Variants in C6orf141 observed in about 807,000 individuals in gnomAD.
The protein encoded by C6orf141 is chromosome 6 open reading frame 141.
For missense variants in C6orf141, 361 were observed against 335.8 expected, an observed-to-expected ratio of 1.07 and a Z score of -0.59; for synonymous variants, 164 against 140.5, an observed-to-expected ratio of 1.17 and a Z score of -1.18.
rs747006555 is a variant in C6orf141 at position 49,550,945 on chromosome 6, G to T, written c.153G>T (p.Thr51=). ...CTCCGGGCGCCCGGAATCCCGCGACGGCAGGGGCGAGCCGAAGCCAGGGCG... is the reference window on the plus strand; with the variant it reads ...CTCCGGGCGCCCGGAATCCCGCGACTGCAGGGGCGAGCCGAAGCCAGGGCG... ...PLAPGARNPA[T]AGASRSQGGG... Residue 51 remains threonine (T), a synonymous_variant, in exon 1 of 1, where the codon ACG becomes ACT. Transcript: ENST00000529246. The T allele has an allele frequency of 6.0e-5, 93 of 1,548,462 alleles. No individual in the cohort carries two copies. The East Asian group carries it at 6.4e-4, about 11-fold the overall frequency.
At chr6:49,561,193 G>A (rs1355768980) in intron 4 of C6orf141, among the ~76,000 whole-genome samples, 2 of 151,844 alleles carry the variant, frequency 1.3e-5, no homozygotes, top group Non-Finnish European at 2.9e-5. Context: ...TGCCTCCTGG[G>A]TTCAAGCGAT....
intron 4 of C6orf141, among the ~76,000 whole-genome samples, chr6:49,557,747 T>C (rs1449492920): frequency 3.3e-5 from 5 of 152,176 alleles, no homozygotes; most frequent in African/African-American, 1.2e-4. Flanking sequence ...TCAGCAAACA[T>C]AGATGGCATA....
chr6:49,556,178 T>C (rs571100308), downstream of C6orf141, among the ~76,000 whole-genome samples: 1 of 152,350 alleles, frequency 6.6e-6, no homozygotes, highest in Admixed American at 6.5e-5. Flanking sequence ...GTCAAGATCA[T>C]TGGATGATTC....
At chr6:49,558,404 GAAAA>G (rs10716612) in intron 4 of C6orf141, among the ~76,000 whole-genome samples, 2 of 135,236 alleles carry the variant, frequency 1.5e-5, no homozygotes, top group Admixed American at 7.5e-5. Context: ...CCCTGAGTTG[GAAAA>G]AAAAAAAAAA....
rs182477224 is a variant in C6orf141 at position 49,551,880 on chromosome 6, G to A, written c.*353G>A. On this transcript the variant is annotated 3_prime_UTR_variant, in exon 1 of 1. Coordinates refer to ENST00000529246, the MANE Select transcript of C6orf141 (RefSeq NM_001145652.2). ...CCCGCCCCCCTCTTGTTTCTCTTTAGGACCTAGAAACAGAAGTGAAGTTTG... is the reference window on the plus strand; with the variant it reads ...CCCGCCCCCCTCTTGTTTCTCTTTAAGACCTAGAAACAGAAGTGAAGTTTG... 16 of 1,130,892 alleles carry A rather than the reference G, an allele frequency of 1.4e-5. No individual in the cohort carries two copies. The East Asian group carries it at 1.1e-3, about 81-fold the overall frequency. 70.1% of individuals were successfully genotyped at this position (1,130,892 alleles called of 1,614,324 possible). A position where few individuals can be genotyped will look rare whatever the true frequency, so the allele number is the denominator to read the frequency against.
chr6:49,558,755 T>A (rs533514774), intron 4 of C6orf141, among the ~76,000 whole-genome samples: 84 of 152,210 alleles, frequency 5.5e-4, no homozygotes, highest in African/African-American at 1.9e-3. Flanking sequence ...TTGCCCAGGC[T>A]GGAGTGCAGT....
chr6:49,551,032 C>T lies in C6orf141; in HGVS notation c.240C>T (p.Asp80=). ...GACCTCGGGCCGGGGAGGAATTGGA[C>T]CGTGAGTCCTGGGTCAGAGAGAAAG... The part of the protein sequence containing the change: ...ALGPRAGEEL[D]RESWVREKVL... Residue 80 remains aspartate, a synonymous_variant, in exon 1 of 1, where the codon GAC becomes GAT. Coordinates refer to ENST00000529246, the MANE Select transcript of C6orf141 (RefSeq NM_001145652.2). 1 of 1,551,436 alleles carries T rather than the reference C, an allele frequency of 6.4e-7. No homozygotes were observed. Among genetic ancestry groups the T allele is most frequent in the Non-Finnish European group, 8.7e-7 (1 of 1,146,952 alleles).
In C6orf141 at chr6:49,551,644, G is replaced by A. The variant is rs1770637232; in HGVS notation, c.*117G>A. The A allele has an allele frequency of 6.7e-7, 1 of 1,484,480 alleles. No homozygotes were observed. The highest frequency in any genetic ancestry group is 2.5e-5 in the East Asian group (1 of 40,452). The allele number at this position is 1,484,480 out of a possible 1,614,324, so 92.0% of individuals were successfully genotyped here. On this transcript the variant is annotated 3_prime_UTR_variant, in exon 1 of 1. Transcript: ENST00000529246. ...ACAGAAGGAACCTTTTGAGAGGCTGGTGCAGCGCTTCGGGGAGGCAGATTA... is the reference window on the plus strand; with the variant it reads ...ACAGAAGGAACCTTTTGAGAGGCTGATGCAGCGCTTCGGGGAGGCAGATTA...
Position 49,551,481 on chromosome 6 carries a change from G to A in C6orf141, c.689G>A (p.Arg230Lys). ...GASRVHAAGR[R>K]VSPSPGTWLE... ...TCCCGCGTCCACGCCGCGGGGAGGAGGGTTTCACCGTCTCCAGGGACTTGG... is the reference window on the plus strand; with the variant it reads ...TCCCGCGTCCACGCCGCGGGGAGGAAGGTTTCACCGTCTCCAGGGACTTGG... The change falls in exon 1 of 1, where the codon AGG (arginine) becomes AAG (lysine). Residue 230 changes from arginine to lysine, a missense_variant. Arg to Lys is a conservative substitution (Grantham distance 26). Coordinates refer to ENST00000529246, the MANE Select transcript of C6orf141 (RefSeq NM_001145652.2). The A allele has an allele frequency of 6.4e-7, 1 of 1,551,556 alleles. No individual in the cohort carries two copies. The highest frequency in any genetic ancestry group is 8.7e-7 in the Non-Finnish European group (1 of 1,147,002).
In C6orf141 at chr6:49,558,059, G is replaced by GTTTTTTTTTTTT. The variant is rs71002664; in HGVS notation, c.*763+2915_*763+2926dup. Among the ~76,000 whole-genome samples the GTTTTTTTTTTTT allele has an allele frequency of 4.4e-4, 43 of 97,756 alleles. 1 individual carries two copies. Among genetic ancestry groups the GTTTTTTTTTTTT allele is most frequent in the African/African-American group, 1.7e-3 (42 of 24,800 alleles). The allele number at this position is 97,756 out of a possible 152,430, so 64.1% of individuals were successfully genotyped here. A position where few individuals can be genotyped will look rare whatever the true frequency, so the allele number is the denominator to read the frequency against. Reference sequence around the variant, plus strand: ...AGTGCATGCCGTTACACTCAAATATGTTTTTTTTTTTTTTTTTTTTTTTTA... The same window carrying GTTTTTTTTTTTT: ...AGTGCATGCCGTTACACTCAAATATGTTTTTTTTTTTTTTTTTTTTTTTTTTTTTTTTTTTTA... On this transcript the variant is annotated intron_variant and NMD_transcript_variant, in intron 4 of 4. Transcript: ENST00000371194.
intron 4 of C6orf141, among the ~76,000 whole-genome samples, chr6:49,557,811 G>A (rs1433809372): frequency 2.6e-5 from 4 of 152,162 alleles, no homozygotes; most frequent in East Asian, 1.9e-4. Context: ...TCTCTAGCTC[G>A]CCTTAATGCT....
exon 1 of C6orf141, chr6:49,551,182 C>A (rs989691663): frequency 1.3e-6 from 2 of 1,551,590 alleles, no homozygotes; most frequent in Non-Finnish European, 1.7e-6. Context: ...AGCCCAACTA[C>A]CCTTCTGTCT....
chr6:49,551,384 A>C lies in C6orf141; in HGVS notation c.592A>C (p.Ser198Arg). ...CGTGACCGCGCTCACTTTTCGCAGC[A>C]GTAGAGAGGGACAGCCTGGGGAACG... Reference protein sequence around the residue: ...HFVTALTFRSSREGQPGERWG... With the variant: ...HFVTALTFRSRREGQPGERWG... The change falls in exon 1 of 1, where the codon AGT (serine) becomes CGT (arginine). Residue 198 changes from serine (S) to arginine (R), a missense_variant. Coordinates refer to ENST00000529246, the MANE Select transcript of C6orf141 (RefSeq NM_001145652.2). The C allele has an allele frequency of 6.4e-7, 1 of 1,551,642 alleles. No homozygotes were observed. The highest frequency in any genetic ancestry group is 1.4e-5 in the African/African-American group (1 of 73,162).
At position 49,552,018 on chromosome 6, in the gene C6orf141, C is replaced by G. The variant is rs1770760571; in HGVS notation, c.*491C>G. On this transcript the variant is annotated 3_prime_UTR_variant, in exon 1 of 1. Transcript: ENST00000529246. ...AGTAAAACCAAAGCAGCAAGTGACT[C>G]TCTTCTGATGTGCACTTTTCATTTT... 2.3e-6 allele frequency: 2 copies of G among 863,086 alleles called. No individual in the cohort carries two copies. The highest frequency in any genetic ancestry group is 2.8e-6 in the Non-Finnish European group (2 of 703,874). 53.5% of individuals were successfully genotyped at this position (863,086 alleles called of 1,614,324 possible).
At chr6:49,556,967 C>G (rs938525587), downstream of C6orf141, among the ~76,000 whole-genome samples, 1 of 152,056 alleles carries the variant, frequency 6.6e-6, no homozygotes, top group Non-Finnish European at 1.5e-5. Flanking sequence ...TAAAACAGAA[C>G]AAGAGGCCAA....
At chr6:49,555,603 G>A (rs1027875494), downstream of C6orf141, among the ~76,000 whole-genome samples, 4 of 148,474 alleles carry the variant, frequency 2.7e-5, no homozygotes, top group African/African-American at 9.9e-5. Context: ...CTGCCTCCCG[G>A]GTTCATGCCA....
At chr6:49,552,901 T>C (rs188542967), downstream of C6orf141, 6 of 152,356 alleles carry the variant, frequency 3.9e-5, no homozygotes, top group Admixed American at 3.9e-4. Context: ...AAAAGATGCC[T>C]GAGGATATCC....
intron 4 of C6orf141, among the ~76,000 whole-genome samples, chr6:49,559,455 T>C (rs1343971966): frequency 6.6e-6 from 1 of 151,922 alleles, no homozygotes; most frequent in African/African-American, 2.4e-5. Context: ...CAAAATGCTA[T>C]GTAATGGATG....
chr6:49,556,704 A>G (rs1288869332), downstream of C6orf141, among the ~76,000 whole-genome samples: 1 of 152,182 alleles, frequency 6.6e-6, no homozygotes, highest in Non-Finnish European at 1.5e-5. Context: ...TCAGATAAGT[A>G]AACAAAGGGC....
Sources: gnomAD v4.1 joint callset for allele counts (sites outside exome capture counted in the v4.1 genomes callset) on GRCh38, gnomAD v4.1.1 for gene constraint, MANE v1.5 for transcripts, NCBI Gene and HGNC (gene_info 2026-07-23, HGNC 2026-07-21) for gene names.